Variants in MED12L observed in about 807,000 individuals in gnomAD.
MED12L encodes mediator complex subunit 12L, also known as mediator of RNA polymerase II transcription subunit 12-like protein.
MED12L carries 60 observed loss-of-function variants against 281.3 expected under a neutral mutation model. The ratio of observed to expected loss-of-function variants is 0.21; its 90% CI spans 0.17 to 0.26. The LOEUF is 0.26. Ranked by LOEUF, MED12L falls within the 10% of genes least tolerant of loss-of-function variation. The pLI, the probability that MED12L is intolerant of heterozygous loss-of-function variation, is 1.00. For missense variants in MED12L, 2,146 were observed against 2,680.9 expected (o/e 0.80, Z 4.41); for synonymous variants, 974 against 987.2 (o/e 0.99, Z 0.25).
chr3:151,116,017 T>C (rs548151939), intron 2 of MED12L, among the ~76,000 whole-genome samples: 87 of 142,780 alleles, frequency 6.1e-4, no homozygotes, highest in African/African-American at 2.1e-3. Context: ...TAAGCCGAGA[T>C]TGCGCCGCTG....
Position 151,365,935 on chromosome 3 carries a change from C to A in MED12L, c.3271C>A (p.Leu1091Ile), listed in dbSNP as rs1293146972. The A allele has an allele frequency of 6.2e-7, 1 of 1,613,362 alleles. No homozygotes were observed. Among genetic ancestry groups the A allele is most frequent in the Admixed American group, 1.7e-5 (1 of 59,986 alleles). The change falls in exon 23 of 45, where the codon CTT becomes ATT. Residue 1091 changes from leucine (L) to isoleucine (I), a missense_variant. Around this residue, in one of 9 missense-constraint regions of MED12L, gnomAD observed 404 missense variants for 603.5 expected, o/e 0.67. Coordinates refer to ENST00000687756, the MANE Select transcript of MED12L (RefSeq NM_001393769.1). ...AGAATGGCTGGGGGTTCTGAAGGCT[C>A]TTTGTTGTTCTTCAAATCACGTGTG... ...SSEWLGVLKA[L>I]CCSSNHVWGF...
intron 42 of MED12L, among the ~76,000 whole-genome samples, chr3:151,414,654 C>A (rs1246060888): frequency 6.6e-6 from 1 of 151,856 alleles, no homozygotes; most frequent in African/African-American, 2.4e-5. Flanking sequence ...TTATAAGATG[C>A]CATTAGTAGT....
intron 28 of MED12L, among the ~76,000 whole-genome samples, chr3:151,376,549 T>G (rs550086847): frequency 1.3e-5 from 2 of 152,304 alleles, no homozygotes; most frequent in African/African-American, 4.8e-5. Flanking sequence ...AAAGGAGAAA[T>G]GCTTATTTAG....
chr3:151,433,866 C>T lies in MED12L; in HGVS notation c.*1062C>T, dbSNP rs907876035. 3.9e-5 allele frequency: 6 copies of T among 152,590 alleles called. No homozygotes were observed. Among genetic ancestry groups the T allele is most frequent in the African/African-American group, 1.4e-4 (6 of 41,434 alleles). 9.5% of individuals were successfully genotyped at this position (152,590 alleles called of 1,614,324 possible). On this transcript the variant is annotated 3_prime_UTR_variant, in exon 45 of 45. Coordinates refer to ENST00000687756, the MANE Select transcript of MED12L (RefSeq NM_001393769.1). Reference sequence around the variant, plus strand: ...CAGTCTTGGTTGTGTATTGCATATACTGTATTTATAAATTGGTGCAAAAAG... The same window carrying T: ...CAGTCTTGGTTGTGTATTGCATATATTGTATTTATAAATTGGTGCAAAAAG...
chr3:151,222,116 C>T (rs956343773), intron 16 of MED12L, among the ~76,000 whole-genome samples: 6 of 152,120 alleles, frequency 3.9e-5, no homozygotes, highest in African/African-American at 1.4e-4. Flanking sequence ...GGCCTGTAGC[C>T]CCTTTGTTTC....
At position 151,413,119 on chromosome 3, in the gene MED12L, G is replaced by A. The variant is rs1717141634; in HGVS notation, c.6141-20G>A. The A allele has an allele frequency of 3.7e-6, 6 of 1,603,036 alleles. No homozygotes were observed. The Admixed American group carries it at 6.7e-5, about 18-fold the overall frequency. On this transcript the variant is annotated intron_variant, in intron 41 of 44. Transcript: ENST00000687756. Reference sequence around the variant, plus strand: ...GACATTATGCTTGGGCCTGAACCAAGTTGCATTATTCTTTGCCAGACTGAA... The same window carrying A: ...GACATTATGCTTGGGCCTGAACCAAATTGCATTATTCTTTGCCAGACTGAA...
chr3:151,160,124 T>A, intron 8 of MED12L, 23 bp downstream of exon 8: 1 of 1,491,946 alleles, frequency 6.7e-7, no homozygotes, highest in Non-Finnish European at 9.0e-7. Flanking sequence ...CCCTTGTTAT[T>A]TTATGTTAAA....
chr3:151,113,668 A>G (rs1044303680), intron 2 of MED12L, among the ~76,000 whole-genome samples: 3 of 152,230 alleles, frequency 2.0e-5, no homozygotes, highest in Admixed American at 6.5e-5. Context: ...ACTTCTCAGA[A>G]CTCAAAGCTC....
intron 16 of MED12L, among the ~76,000 whole-genome samples, chr3:151,289,631 T>C (rs1383982538): frequency 1.3e-5 from 2 of 152,258 alleles, no homozygotes; most frequent in Admixed American, 1.3e-4. Context: ...ACATTCTTTA[T>C]GCTAAACTTG....
intron 22 of MED12L, 96 bp downstream of exon 22, chr3:151,365,302 A>G (rs1371548959): frequency 1.0e-6 from 1 of 998,288 alleles, no homozygotes; most frequent in Non-Finnish European, 1.6e-6. Flanking sequence ...CTGGACTCAC[A>G]TTTGGCTATC....
At chr3:151,153,353 A>C (rs570920705) in intron 5 of MED12L, among the ~76,000 whole-genome samples, 10 of 152,152 alleles carry the variant, frequency 6.6e-5, no homozygotes, top group Non-Finnish European at 1.2e-4. Context: ...TCATGATCAT[A>C]AACTTTCTAA....
intron 16 of MED12L, among the ~76,000 whole-genome samples, chr3:151,222,382 T>C (rs370471744): frequency 4.6e-5 from 7 of 152,296 alleles, no homozygotes; most frequent in East Asian, 3.9e-4. Flanking sequence ...TGGAATGATA[T>C]GGTTTGGCTC....
chr3:151,185,905 A>AT (rs1706115440), intron 12 of MED12L, among the ~76,000 whole-genome samples: 1 of 152,142 alleles, frequency 6.6e-6, no homozygotes, highest in Admixed American at 6.5e-5. Context: ...GAACAAAGAA[A>AT]TTTCTTTGCT....
rs185881044 is a variant in MED12L, at chr3:151,193,502, A to G, written c.2086A>G (p.Met696Val). The change falls in exon 16 of 45, where the codon ATG (methionine) becomes GTG (valine). Residue 696 changes from methionine to valine, a missense_variant. This residue lies in a region of MED12L where 722 missense variants were observed against 861.2 expected (regional missense o/e 0.84). Transcript: ENST00000687756. ...FGSEFPIFSP[M>V]PGESCENANT... ...TTACATGACTTAGATTTTTTCTCCT[A>G]TGCCTGGAGAATCCTGTGAGAATGC... 1.8e-5 allele frequency: 29 copies of G among 1,612,066 alleles called. No homozygotes were observed. In the African/African-American group the frequency reaches 2.9e-4, roughly 16 times the overall value.
intron 16 of MED12L, among the ~76,000 whole-genome samples, chr3:151,236,352 T>G (rs753883986): frequency 6.6e-6 from 1 of 152,238 alleles, no homozygotes; most frequent in Non-Finnish European, 1.5e-5. Flanking sequence ...GATATCCTTT[T>G]AAATCTCTGG....
intron 16 of MED12L, among the ~76,000 whole-genome samples, chr3:151,324,539 C>T (rs530718170): frequency 6.6e-6 from 1 of 152,336 alleles, no homozygotes; most frequent in East Asian, 1.9e-4. Context: ...AGCCACGTCT[C>T]AATTAAAGCC....
chr3:151,152,085 G>GTTTTTTTTTTTTTTTTT (rs141353889), intron 5 of MED12L, among the ~76,000 whole-genome samples: 1 of 62,984 alleles, frequency 1.6e-5, no homozygotes, highest in African/African-American at 6.3e-5. Context: ...GTTGAAGGTG[G>GTTTTTTTTTTTTTTTTT]TTTTTTTTTT....
intron 16 of MED12L, chr3:151,269,630 T>A: frequency 2.6e-6 from 1 of 382,290 alleles, no homozygotes; most frequent in South Asian, 2.3e-5. Context: ...AAAGAGGCAC[T>A]GTATTATTTG....
chr3:151,267,261 T>G (rs1434192010), intron 16 of MED12L, among the ~76,000 whole-genome samples: 1 of 152,154 alleles, frequency 6.6e-6, no homozygotes, highest in Non-Finnish European at 1.5e-5. Context: ...GATTGTACAT[T>G]GTCATTTAGA....
Sources: gnomAD v4.1 joint callset for allele counts (sites outside exome capture counted in the v4.1 genomes callset) on GRCh38, gnomAD v4.1.1 for gene constraint, gnomAD v4.1.1 regional missense constraint, MANE v1.5 for transcripts, NCBI Gene and HGNC (gene_info 2026-07-23, HGNC 2026-07-21) for gene names.